MARCHF1: variants seen among roughly 807,000 people sequenced by gnomAD.
MARCHF1 encodes the protein membrane associated ring-CH-type finger 1.
A neutral mutation model predicts 54.2 loss-of-function variants in MARCHF1; 40 were observed. The observed-to-expected ratio is 0.74, with a 90% CI of 0.57 to 0.96. The LOEUF (loss-of-function observed/expected upper bound fraction) is 0.96, where lower values mean the gene tolerates loss of function less well. Ranked by LOEUF, MARCHF1 falls within the 40% of genes least tolerant of loss-of-function variation. The probability of loss-of-function intolerance (pLI) is 0.00; values close to 1 mark genes in which losing one functional copy is unlikely to be tolerated. For missense variants in MARCHF1, 586 were observed against 656.5 expected (o/e 0.89, Z 1.17); for synonymous variants, 236 against 236.3 (o/e 1.00, Z 0.01).
chr4:164,000,436 T>C (rs1428840881), intron 2 of MARCHF1, among the ~76,000 whole-genome samples: 2 of 151,468 alleles, frequency 1.3e-5, no homozygotes, highest in Non-Finnish European at 3.0e-5. Context: ...AGGTTTTGGA[T>C]GGAAAATTCA....
intron 5 of MARCHF1, among the ~76,000 whole-genome samples, chr4:163,640,896 G>C (rs1452437426): frequency 6.6e-6 from 1 of 151,994 alleles, no homozygotes; most frequent in African/African-American, 2.4e-5. Flanking sequence ...CTATCGCGAA[G>C]AGAATATTTA....
intron 5 of MARCHF1, among the ~76,000 whole-genome samples, chr4:163,634,793 C>G (rs1304239597): frequency 4.9e-5 from 7 of 142,764 alleles, no homozygotes; most frequent in Non-Finnish European, 1.0e-4. Flanking sequence ...ACAGAATATA[C>G]ATTTTTTTCA....
At chr4:164,241,368 C>G (rs1732742285) in intron 1 of MARCHF1, among the ~76,000 whole-genome samples, 1 of 152,178 alleles carries the variant, frequency 6.6e-6, no homozygotes, top group Non-Finnish European at 1.5e-5. Context: ...GCTGCAACAT[C>G]ATTGCTGTTG....
chr4:163,948,480 G>A (rs1217892081), intron 3 of MARCHF1, among the ~76,000 whole-genome samples: 4 of 152,120 alleles, frequency 2.6e-5, no homozygotes, highest in African/African-American at 7.2e-5. Context: ...GCAGAAGCAG[G>A]TTAAAAAAAG....
chr4:164,316,220 C>G (rs1234170777), intron 1 of MARCHF1, among the ~76,000 whole-genome samples: 1 of 152,164 alleles, frequency 6.6e-6, no homozygotes, highest in Non-Finnish European at 1.5e-5. Context: ...CACTCCCAAA[C>G]AAACTAACCT....
At chr4:164,044,385 GGAGA>G (rs371898741) in intron 2 of MARCHF1, among the ~76,000 whole-genome samples, 2 of 151,884 alleles carry the variant, frequency 1.3e-5, no homozygotes, top group South Asian at 2.1e-4. Flanking sequence ...CGTGGTGGCA[GGAGA>G]GAGAGAGAGC....
At position 163,609,639 on chromosome 4, in the gene MARCHF1, G is replaced by A. The variant is rs571584890; in HGVS notation, c.1010+2632C>T. 1.7e-4 allele frequency among the ~76,000 whole-genome samples: 26 copies of A among 148,688 alleles called. No individual in the cohort carries two copies. In the South Asian group the frequency reaches 3.6e-3, roughly 21 times the overall value. Reference sequence around the variant, plus strand: ...TGTGTGTGTGTATATATATATATACGTATATATATAATACACGTATATATT... The same window carrying A: ...TGTGTGTGTGTATATATATATATACATATATATATAATACACGTATATATT... On this transcript the variant is annotated intron_variant, in intron 7 of 9. Coordinates refer to ENST00000514618, the MANE Select transcript of MARCHF1 (RefSeq NM_001394959.1).
intron 1 of MARCHF1, among the ~76,000 whole-genome samples, chr4:164,364,772 C>T (rs530011544): frequency 4.6e-5 from 7 of 151,604 alleles, no homozygotes; most frequent in African/African-American, 1.7e-4. Context: ...TAGTTTAACC[C>T]ATTTGAGGTT....
chr4:164,254,872 C>A (rs573827262), intron 1 of MARCHF1, among the ~76,000 whole-genome samples: 1 of 152,298 alleles, frequency 6.6e-6, no homozygotes, highest in African/African-American at 2.4e-5. Context: ...AAATGTTAGT[C>A]TCTTTTGGCA....
chr4:164,334,352 T>C (rs995500882), intron 1 of MARCHF1, among the ~76,000 whole-genome samples: 5 of 152,196 alleles, frequency 3.3e-5, no homozygotes, highest in Admixed American at 6.5e-5. Flanking sequence ...TTTGACATTA[T>C]GTGGAAGCGA....
At chr4:163,801,391 C>T (rs956462122) in intron 4 of MARCHF1, among the ~76,000 whole-genome samples, 1 of 151,818 alleles carries the variant, frequency 6.6e-6, no homozygotes, top group African/African-American at 2.4e-5. Flanking sequence ...AAAAAAAATC[C>T]CTAGACACCT....
At position 164,282,061 on chromosome 4, in the gene MARCHF1, T is replaced by C. The variant is rs1310691964; in HGVS notation, c.-323+101809A>G. On this transcript the variant is annotated intron_variant, in intron 1 of 9. Coordinates refer to ENST00000514618, the MANE Select transcript of MARCHF1 (RefSeq NM_001394959.1). ...CTAGTACCCAATTTATAAACTTGCA[T>C]AAATCATTATTTCCTCTGAATATGA... Among the ~76,000 whole-genome samples, 3 of 150,950 alleles carry C rather than the reference T, an allele frequency of 2.0e-5. 1 individual carries two copies. The highest frequency in any genetic ancestry group is 4.0e-4 in the East Asian group (2 of 4,944).
chr4:163,708,973 T>G (rs534050370), intron 4 of MARCHF1, among the ~76,000 whole-genome samples: 1 of 152,280 alleles, frequency 6.6e-6, no homozygotes, highest in South Asian at 2.1e-4. Flanking sequence ...GTTCATGATA[T>G]ATTGTTAAGG....
At chr4:163,997,792 T>C (rs1753106007) in intron 2 of MARCHF1, among the ~76,000 whole-genome samples, 1 of 151,866 alleles carries the variant, frequency 6.6e-6, no homozygotes, top group Admixed American at 6.6e-5. Flanking sequence ...ATAATAGTTG[T>C]TCAATCTTAT....
chr4:163,935,374 C>A (rs181893076), intron 3 of MARCHF1, among the ~76,000 whole-genome samples: 1 of 152,124 alleles, frequency 6.6e-6, no homozygotes, highest in Non-Finnish European at 1.5e-5. Flanking sequence ...CATTGAAAAT[C>A]TGTTTTTAAA....
intron 1 of MARCHF1, among the ~76,000 whole-genome samples, chr4:164,332,614 C>A (rs533740529): frequency 1.6e-5 from 2 of 122,084 alleles, no homozygotes; most frequent in Admixed American, 1.6e-4. Context: ...AGTTTTACTG[C>A]ATTTCAAATT....
chr4:163,763,806 A>G (rs1336056011), intron 4 of MARCHF1, among the ~76,000 whole-genome samples: 3 of 152,052 alleles, frequency 2.0e-5, no homozygotes, highest in Admixed American at 6.6e-5. Context: ...TTTAGTCCCA[A>G]ATGTCACTCA....
intron 4 of MARCHF1, among the ~76,000 whole-genome samples, chr4:163,832,553 CT>C (rs1315356713): frequency 1.3e-5 from 2 of 150,128 alleles, no homozygotes; most frequent in Non-Finnish European, 3.0e-5. Context: ...AAATTAGTTT[CT>C]TTCATCTAGC....
chr4:163,730,345 A>T (rs1363133061), intron 4 of MARCHF1, among the ~76,000 whole-genome samples: 1 of 152,120 alleles, frequency 6.6e-6, no homozygotes, highest in Non-Finnish European at 1.5e-5. Context: ...TCTTTAAGAC[A>T]GCTCTTTTAA....
Sources: allele counts gnomAD v4.1 joint callset (sites outside exome capture counted in the v4.1 genomes callset), GRCh38; gene constraint gnomAD v4.1.1; transcripts MANE v1.5; gene names NCBI Gene and HGNC (gene_info 2026-07-23, HGNC 2026-07-21).